ANKS1B: variants seen among roughly 807,000 people sequenced by gnomAD.
The protein encoded by ANKS1B is ankyrin repeat and sterile alpha motif domain-containing protein 1B.
In ANKS1B, 36 loss-of-function variants were observed where a neutral mutation model predicts 148.3. The observed-to-expected ratio is 0.24, with a 90% confidence interval of 0.19 to 0.32. The LOEUF is 0.32. ANKS1B is among the 10% of genes least tolerant of loss of function. The pLI is 1.00. For missense variants in ANKS1B, 1,157 were observed against 1,542.6 expected (o/e 0.75, Z 4.19); for synonymous variants, 542 against 560.8 (o/e 0.97, Z 0.47).
At chr12:98,894,632 G>A (rs1425124746) in intron 17 of ANKS1B, 5 of 985,002 alleles carry the variant, frequency 5.1e-6, no homozygotes, top group Non-Finnish European at 6.0e-6. Context: ...CTACTCACCC[G>A]AGCCGCTCGG....
intron 8 of ANKS1B, among the ~76,000 whole-genome samples, chr12:99,682,127 T>C (rs985751560): frequency 6.6e-6 from 1 of 152,152 alleles, no homozygotes; most frequent in Non-Finnish European, 1.5e-5. Context: ...CTACTAGACC[T>C]AAGAAATGAG....
At chr12:99,225,251 G>A (rs548069312) in intron 14 of ANKS1B, among the ~76,000 whole-genome samples, 5 of 151,920 alleles carry the variant, frequency 3.3e-5, no homozygotes, top group Non-Finnish European at 7.4e-5. Context: ...TTAAAAGCTG[G>A]AAAAGAGTTT....
chr12:99,292,494 G>A (rs1364337197), intron 12 of ANKS1B, among the ~76,000 whole-genome samples: 7 of 146,018 alleles, frequency 4.8e-5, no homozygotes, highest in South Asian at 4.3e-4. Context: ...CAGCCTGGGC[G>A]ACAGAGCAAG....
At chr12:99,239,335 A>T (rs2712646) in intron 14 of ANKS1B, among the ~76,000 whole-genome samples, 125,935 of 152,106 alleles carry the variant, frequency 0.83, 52,504 homozygotes, top group East Asian at 1. Context: ...AAGATCAAAT[A>T]AATGAAATAA....
At chr12:99,551,544 G>A (rs61942122) in intron 9 of ANKS1B, among the ~76,000 whole-genome samples, 2 of 40,442 alleles carry the variant, frequency 4.9e-5, no homozygotes, top group African/African-American at 1.2e-4. Flanking sequence ...GGAGGGGAGG[G>A]GAGGGGAGGG....
intron 9 of ANKS1B, chr12:99,648,141 A>T: frequency 6.3e-7 from 1 of 1,584,342 alleles, no homozygotes; most frequent in South Asian, 1.1e-5. Flanking sequence ...GGTGTGGAGC[A>T]GCTGCTGGGA....
At chr12:99,401,287 C>T (rs988024034) in intron 11 of ANKS1B, among the ~76,000 whole-genome samples, 2 of 146,022 alleles carry the variant, frequency 1.4e-5, no homozygotes, top group African/African-American at 5.2e-5. Context: ...ATGTCCTTTC[C>T]ACCACATTCT....
chr12:99,862,745 C>A (rs1245993207), intron 1 of ANKS1B, among the ~76,000 whole-genome samples: 1 of 152,130 alleles, frequency 6.6e-6, no homozygotes, highest in Non-Finnish European at 1.5e-5. Context: ...ACTTTATAAT[C>A]CATTCTATTT....
At chr12:98,989,971 AG>A (rs1301744405) in intron 17 of ANKS1B, among the ~76,000 whole-genome samples, 2 of 152,052 alleles carry the variant, frequency 1.3e-5, no homozygotes, top group African/African-American at 2.4e-5. Context: ...AATAAAAAAA[AG>A]AAAGGAGGGA....
chr12:99,751,662 A>T (rs1601411265), intron 8 of ANKS1B, among the ~76,000 whole-genome samples: 1 of 152,110 alleles, frequency 6.6e-6, no homozygotes, highest in Non-Finnish European at 1.5e-5. Context: ...CCATACCAGG[A>T]TTCTGTGATA....
downstream of ANKS1B, among the ~76,000 whole-genome samples, chr12:98,741,918 G>C (rs1347597800): frequency 2.6e-5 from 4 of 152,230 alleles, no homozygotes; most frequent in African/African-American, 9.6e-5. Context: ...CTGGGGAGCA[G>C]CTGTTGGGAT....
intron 12 of ANKS1B, among the ~76,000 whole-genome samples, chr12:99,367,480 T>TA (rs2092833539): frequency 1.3e-5 from 2 of 152,194 alleles, no homozygotes; most frequent in Admixed American, 6.5e-5. Flanking sequence ...ATCGGTATTT[T>TA]AAAAAATTAT....
At chr12:99,258,395 T>G (rs1450171974) in intron 12 of ANKS1B, among the ~76,000 whole-genome samples, 1 of 152,050 alleles carries the variant, frequency 6.6e-6, no homozygotes, top group Non-Finnish European at 1.5e-5. Context: ...GTTTGGTATT[T>G]TGAAAGAATT....
At chr12:99,353,072 C>A (rs1280516582) in intron 12 of ANKS1B, among the ~76,000 whole-genome samples, 1 of 151,986 alleles carries the variant, frequency 6.6e-6, no homozygotes, top group African/African-American at 2.4e-5. Context: ...TTAGCCCAAG[C>A]CCCGGTTACC....
intron 17 of ANKS1B, among the ~76,000 whole-genome samples, chr12:98,973,865 G>A (rs75197616): frequency 0.049 from 7,447 of 151,266 alleles, 414 homozygotes; most frequent in African/African-American, 0.15. Context: ...ACGTACCTGC[G>A]ATATGTATCT....
intron 1 of ANKS1B, among the ~76,000 whole-genome samples, chr12:99,848,899 G>C (rs1265802918): frequency 6.6e-6 from 1 of 152,034 alleles, no homozygotes; most frequent in Non-Finnish European, 1.5e-5. Context: ...GCAACAATTT[G>C]GATGCAGCTG....
At chr12:99,435,882 C>T (rs10777987) in intron 11 of ANKS1B, among the ~76,000 whole-genome samples, 31,476 of 151,886 alleles carry the variant, frequency 0.21, 3,677 homozygotes, top group African/African-American at 0.29. Flanking sequence ...TTTTAAAAAG[C>T]TTCCCAGGAA....
intron 1 of ANKS1B, among the ~76,000 whole-genome samples, chr12:99,857,628 C>T (rs1320140621): frequency 1.3e-5 from 2 of 151,870 alleles, no homozygotes; most frequent in Non-Finnish European, 2.9e-5. Context: ...ATTACCCAAC[C>T]TCAAACTATA....
intron 1 of ANKS1B, among the ~76,000 whole-genome samples, chr12:99,925,141 C>T (rs994370774): frequency 1.3e-5 from 2 of 152,046 alleles, no homozygotes. Flanking sequence ...TAAATTAAAC[C>T]CTCTGTGGAT....
Sources: allele counts gnomAD v4.1 joint callset (sites outside exome capture counted in the v4.1 genomes callset), GRCh38; gene constraint gnomAD v4.1.1; transcripts MANE v1.5; gene names NCBI Gene and HGNC (gene_info 2026-07-23, HGNC 2026-07-21).